Variants in OIP5 observed in about 807,000 individuals in gnomAD.
OIP5 encodes protein Mis18-beta.
A neutral mutation model predicts 20.3 loss-of-function variants in OIP5; 24 were observed. The ratio of observed to expected loss-of-function variants is 1.18; its 90% CI spans 0.86 to 1.66. The LOEUF (loss-of-function observed/expected upper bound fraction) is 1.66. Among genes scored for constraint, OIP5 ranks in the 40% most tolerant of loss-of-function variants. The probability of loss-of-function intolerance (pLI) is 0.00; values close to 1 mark genes in which losing one functional copy is unlikely to be tolerated. For missense variants in OIP5, 339 were observed against 289.5 expected (o/e 1.17, Z -1.24); for synonymous variants, 143 against 121.3 (o/e 1.18, Z -1.17).
At chr15:41,319,918 G>A (rs531975262) in intron 2 of OIP5, 138 bp from the exon 3 acceptor site, 2 of 657,220 alleles carry the variant, frequency 3.0e-6, no homozygotes, top group African/African-American at 3.7e-5. Context: ...CGGAAAGAAT[G>A]TCACATTCAA....
intron 2 of OIP5, among the ~76,000 whole-genome samples, chr15:41,321,931 AT>A (rs2047832835): frequency 6.6e-6 from 1 of 151,076 alleles, no homozygotes; most frequent in African/African-American, 2.4e-5. Context: ...AAAAAAATAA[AT>A]AAATAAATAA....
At chr15:41,323,761 G>A (rs1327949284) in intron 2 of OIP5, among the ~76,000 whole-genome samples, 1 of 152,046 alleles carries the variant, frequency 6.6e-6, no homozygotes, top group African/African-American at 2.4e-5. Flanking sequence ...GTGAGTCACT[G>A]TGACCAGCTC....
intron 2 of OIP5, among the ~76,000 whole-genome samples, chr15:41,322,397 GT>G (rs1160632298): frequency 3.3e-5 from 5 of 151,858 alleles, no homozygotes; most frequent in Non-Finnish European, 7.4e-5. Flanking sequence ...ATAGTATGAA[GT>G]TTTTTTTGGT....
chr15:41,331,297 G>C (rs933597838), intron 2 of OIP5, among the ~76,000 whole-genome samples: 1 of 152,204 alleles, frequency 6.6e-6, no homozygotes, highest in East Asian at 1.9e-4. Flanking sequence ...CATTCTAGTT[G>C]TGTTTTTCTC....
chr15:41,320,541 G>C (rs1471134514), intron 2 of OIP5, among the ~76,000 whole-genome samples: 1 of 152,302 alleles, frequency 6.6e-6, no homozygotes, highest in Middle Eastern at 3.4e-3. Flanking sequence ...CGGCCTCCCA[G>C]GGTGCCGGGA....
chr15:41,313,481 C>T (rs751264069), intron 3 of OIP5, 127 bp from the exon 4 acceptor site: 3 of 594,784 alleles, frequency 5.0e-6, no homozygotes, highest in Non-Finnish European at 8.9e-6. Context: ...CATTTCAAGA[C>T]TCATGATGTT....
At position 41,319,730 on chromosome 15, in the gene OIP5, TG is replaced by T. The variant is rs2047811206; in HGVS notation, c.439del (p.His147IlefsTer12). On this transcript the variant is annotated frameshift_variant, in exon 3 of 5. Coordinates refer to ENST00000220514, the MANE Select transcript of OIP5 (RefSeq NM_007280.2). LOFTEE classifies it high-confidence loss of function. ...CAGGGCAGCATGGGTAGAATACAGA[TG>T]GAAACCAACGGGAATCCCACAAGAA... ...CGSCGIPVGF[H>X]LYSTHAALAA... 6.2e-7 allele frequency: 1 copy of T among 1,613,730 alleles called. No homozygotes were observed. Among genetic ancestry groups the T allele is most frequent in the Non-Finnish European group, 8.5e-7 (1 of 1,179,798 alleles).
In OIP5 at chr15:41,331,977, A is replaced by G. The variant is rs766732605; in HGVS notation, c.327T>C (p.Val109=). Residue 109 remains valine, a synonymous_variant, in exon 2 of 5, where the codon GTT becomes GTC. Coordinates refer to ENST00000220514, the MANE Select transcript of OIP5 (RefSeq NM_007280.2). ...GCGCTTCCAAAACGACGTTATTTGTAACTCCTAGGAAGACAAACACGGGTC... is the reference window on the plus strand; with the variant it reads ...GCGCTTCCAAAACGACGTTATTTGTGACTCCTAGGAAGACAAACACGGGTC... The part of the protein sequence containing the change: ...RSLGAVVFSR[V]TNNVVLEAPF... The G allele has an allele frequency of 6.2e-7, 1 of 1,613,938 alleles. No individual in the cohort carries two copies.
In OIP5 at chr15:41,309,856, A is replaced by C. The variant is rs370924216; in HGVS notation, c.595-7T>G. ...GCACTATCTTCTCTTTCAGCTAGGA[A>C]GAGAAATATATAGATATCAGGGCAT... On this transcript the variant is annotated splice_polypyrimidine_tract_variant and splice_region_variant and intron_variant, in intron 4 of 4. Transcript: ENST00000220514. 9 of 1,585,994 alleles carry C rather than the reference A, an allele frequency of 5.7e-6. No homozygotes were observed. Among genetic ancestry groups the C allele is most frequent in the Non-Finnish European group, 7.8e-6 (9 of 1,155,878 alleles).
intron 4 of OIP5, among the ~76,000 whole-genome samples, chr15:41,312,499 G>C (rs1316220835): frequency 2.0e-5 from 3 of 151,704 alleles, no homozygotes; most frequent in African/African-American, 7.3e-5. Context: ...TCGCTCTGTT[G>C]CCCAGGCTGG....
At chr15:41,313,007 T>A (rs2047768276) in intron 4 of OIP5, among the ~76,000 whole-genome samples, 1 of 152,204 alleles carries the variant, frequency 6.6e-6, no homozygotes, top group Non-Finnish European at 1.5e-5. Flanking sequence ...AGAAGACACC[T>A]CTATGGCAAG....
At chr15:41,323,034 G>A (rs943838118) in intron 2 of OIP5, among the ~76,000 whole-genome samples, 2 of 152,044 alleles carry the variant, frequency 1.3e-5, no homozygotes, top group Admixed American at 6.6e-5. Context: ...ATTGGTAAAT[G>A]AAGTCCCACA....
Position 41,332,334 on chromosome 15 carries a change from A to G in OIP5, c.228T>C (p.Ala76=), listed in dbSNP as rs781051301. ...CGTGACACTGTGCGCACTGGAACACAGCGCACCTCTCAGGCTGCAGCCAAG... is the reference window on the plus strand; with the variant it reads ...CGTGACACTGTGCGCACTGGAACACGGCGCACCTCTCAGGCTGCAGCCAAG... The part of the protein sequence containing the change: ...LPSWLQPERC[A]VFQCAQCHAV... The change falls in exon 1 of 5, where the codon GCT becomes GCC. Residue 76 remains alanine (A), a synonymous_variant. Coordinates refer to ENST00000220514, the MANE Select transcript of OIP5 (RefSeq NM_007280.2). The G allele has an allele frequency of 2.5e-6, 4 of 1,611,786 alleles. No homozygotes were observed. Among genetic ancestry groups the G allele is most frequent in the South Asian group, 2.2e-5 (2 of 90,854 alleles).
intron 3 of OIP5, among the ~76,000 whole-genome samples, chr15:41,316,314 A>G (rs772949047): frequency 1.3e-5 from 2 of 151,702 alleles, no homozygotes; most frequent in Non-Finnish European, 2.9e-5. Context: ...TCCGTCTTTA[A>G]AAAAAGAGAA....
Position 41,330,409 on chromosome 15 carries a change from A to ATTT in OIP5, c.389+1503_389+1505dup, listed in dbSNP as rs766498868. 2.2e-3 allele frequency among the ~76,000 whole-genome samples: 279 copies of ATTT among 128,640 alleles called. 12 individuals are homozygous for ATTT. The highest frequency in any genetic ancestry group is 0.013 in the Middle Eastern group (3 of 232). 84.4% of individuals were successfully genotyped at this position (128,640 alleles called of 152,430 possible). The stretch of plus-strand genomic sequence containing the variant: ...GCCACCGCTCCCAGCCGTAATCAGT[A>ATTT]TTTTTTTTTTTTTTTTTTTGATACG... On this transcript the variant is annotated intron_variant, in intron 2 of 4. Transcript: ENST00000220514.
chr15:41,328,693 G>A (rs1383297232), intron 2 of OIP5, among the ~76,000 whole-genome samples: 1 of 152,062 alleles, frequency 6.6e-6, no homozygotes, highest in Non-Finnish European at 1.5e-5. Flanking sequence ...ATAAATGTCG[G>A]AGGGAGTATA....
At chr15:41,330,900 C>G (rs139172915) in intron 2 of OIP5, among the ~76,000 whole-genome samples, 1 of 152,256 alleles carries the variant, frequency 6.6e-6, no homozygotes, top group Non-Finnish European at 1.5e-5. Context: ...AACCTTCTGC[C>G]TCTGGCCCCA....
At chr15:41,325,352 G>C (rs1041475758) in intron 2 of OIP5, among the ~76,000 whole-genome samples, 1 of 152,050 alleles carries the variant, frequency 6.6e-6, no homozygotes, top group African/African-American at 2.4e-5. Flanking sequence ...CTTGCAGTGA[G>C]CCTAGATCAC....
intron 4 of OIP5, 28 bp downstream of exon 4, chr15:41,313,245 A>G (rs757127847): frequency 7.3e-7 from 1 of 1,378,714 alleles, no homozygotes; most frequent in Non-Finnish European, 1.0e-6. Flanking sequence ...GTATTTTAAA[A>G]AAGCATACAA....
Sources: allele counts gnomAD v4.1 joint callset (sites outside exome capture counted in the v4.1 genomes callset), GRCh38; gene constraint gnomAD v4.1.1; transcripts MANE v1.5; gene names NCBI Gene and HGNC (gene_info 2026-07-23, HGNC 2026-07-21).